The following IL1RAPL1 variants were observed in gnomAD, a reference collection of about 807,000 sequenced individuals.
The protein encoded by IL1RAPL1 is interleukin 1 receptor accessory protein like 1.
IL1RAPL1 carries 3 observed loss-of-function variants against 48.4 expected under a neutral mutation model. That is an observed-to-expected ratio of 0.06 (90% confidence interval 0.03 to 0.16). The LOEUF is 0.16. Among genes scored for constraint, IL1RAPL1 ranks in the 10% least tolerant of loss-of-function variants. The pLI is 1.00. For synonymous variants in IL1RAPL1, 185 were observed against 187.7 expected (o/e 0.99, Z 0.12); for missense variants, 349 against 530.6 (o/e 0.66, Z 3.36).
intron 2 of IL1RAPL1, among the ~76,000 whole-genome samples, chrX:29,235,105 T>G (rs1320034095): frequency 8.9e-6 from 1 of 111,868 alleles, no homozygotes. Flanking sequence ...AGTTTGGTTA[T>G]CTGAGTAATG....
intron 1 of IL1RAPL1, among the ~76,000 whole-genome samples, chrX:28,721,556 C>T (rs749655545): frequency 9.0e-6 from 1 of 111,388 alleles, no homozygotes; most frequent in East Asian, 2.8e-4. Context: ...CCTGTGCACT[C>T]TGATGGTAGT....
chrX:29,842,132 T>C (rs1280661497), intron 6 of IL1RAPL1, among the ~76,000 whole-genome samples: 1 of 112,418 alleles, frequency 8.9e-6, no homozygotes, highest in Non-Finnish European at 1.9e-5. Context: ...CCATACTGTC[T>C]GCACAAACAG....
At chrX:28,846,756 G>A (rs759474194) in intron 2 of IL1RAPL1, among the ~76,000 whole-genome samples, 1 of 111,704 alleles carries the variant, frequency 9.0e-6, no homozygotes, top group African/African-American at 3.2e-5. Context: ...GCAATATTTC[G>A]TTTTAAGCAA....
At chrX:29,092,755 G>T (rs1485204854) in intron 2 of IL1RAPL1, among the ~76,000 whole-genome samples, 1 of 112,001 alleles carries the variant, frequency 8.9e-6, no homozygotes, top group African/African-American at 3.2e-5. Flanking sequence ...TTAAGGAAAG[G>T]TTCTTGGTTA....
chrX:29,832,699 G>GTT (rs1930907004), intron 6 of IL1RAPL1, among the ~76,000 whole-genome samples: 6 of 93,092 alleles, frequency 6.4e-5, no homozygotes, highest in East Asian at 8.3e-4. Context: ...CTGTTTTTTT[G>GTT]TTTTTGTTTT....
At chrX:28,888,736 G>C (rs1922703316) in intron 2 of IL1RAPL1, among the ~76,000 whole-genome samples, 1 of 111,029 alleles carries the variant, frequency 9.0e-6, no homozygotes, top group African/African-American at 3.3e-5. Context: ...TGCATAAAAT[G>C]CTTCCTGACA....
chrX:28,973,084 T>C (rs1159308009), intron 2 of IL1RAPL1, among the ~76,000 whole-genome samples: 1 of 112,171 alleles, frequency 8.9e-6, no homozygotes, highest in African/African-American at 3.2e-5. Flanking sequence ...TTTTAACCTA[T>C]TGAGTTTTCC....
intron 2 of IL1RAPL1, among the ~76,000 whole-genome samples, chrX:28,881,695 G>T: frequency 9.0e-6 from 1 of 110,969 alleles, no homozygotes; most frequent in East Asian, 2.8e-4. Flanking sequence ...TATAAAAAAA[G>T]AACAAAAATT....
chrX:29,243,791 G>A (rs759942474), intron 2 of IL1RAPL1, among the ~76,000 whole-genome samples: 1 of 111,477 alleles, frequency 9.0e-6, no homozygotes, highest in Non-Finnish European at 1.9e-5. Context: ...CTCATTTAGG[G>A]ACTGTACTGA....
At chrX:29,006,653 G>A (rs1182907377) in intron 2 of IL1RAPL1, among the ~76,000 whole-genome samples, 111 of 89,594 alleles carry the variant, frequency 1.2e-3, no homozygotes, top group African/African-American at 4.6e-3. Context: ...ATATATGTGT[G>A]TGTGTGTGTG....
intron 2 of IL1RAPL1, among the ~76,000 whole-genome samples, chrX:29,024,965 T>C (rs1427310023): frequency 9.0e-6 from 1 of 111,554 alleles, no homozygotes; most frequent in East Asian, 2.8e-4. Context: ...CTCATTTCTC[T>C]CCTCCCTCTC....
intron 2 of IL1RAPL1, among the ~76,000 whole-genome samples, chrX:29,204,013 T>C (rs1038040977): frequency 9.1e-6 from 1 of 110,176 alleles, no homozygotes; most frequent in Non-Finnish European, 1.9e-5. Flanking sequence ...AATATCCATG[T>C]TGATGCAAAT....
intron 6 of IL1RAPL1, among the ~76,000 whole-genome samples, chrX:29,734,185 A>G (rs1230357909): frequency 8.9e-6 from 1 of 112,994 alleles, no homozygotes; most frequent in Non-Finnish European, 1.9e-5. Context: ...TAGGCACAGG[A>G]AAAAAGAAGA....
chrX:29,905,420 A>G (rs1932589374), intron 6 of IL1RAPL1, among the ~76,000 whole-genome samples: 1 of 111,647 alleles, frequency 9.0e-6, no homozygotes, highest in African/African-American at 3.3e-5. Context: ...TTGGTGTTTT[A>G]GTCATGAAGT....
chrX:29,421,165 C>T (rs1347148015), intron 5 of IL1RAPL1, among the ~76,000 whole-genome samples: 3 of 111,928 alleles, frequency 2.7e-5, no homozygotes, highest in Non-Finnish European at 5.6e-5. Context: ...CAGCTAGAAA[C>T]CAGGTTCTTG....
chrX:29,527,568 G>T (rs1422022580), intron 5 of IL1RAPL1, among the ~76,000 whole-genome samples: 3 of 109,376 alleles, frequency 2.7e-5, no homozygotes, highest in Non-Finnish European at 5.7e-5. Context: ...CTCGTGATCT[G>T]CCCGCCTCAT....
At chrX:29,018,303 TATTA>T (rs1046561859) in intron 2 of IL1RAPL1, among the ~76,000 whole-genome samples, 2 of 112,463 alleles carry the variant, frequency 1.8e-5, no homozygotes, top group African/African-American at 6.5e-5. Flanking sequence ...TGGGTTTACA[TATTA>T]ATTAATCTGT....
chrX:29,181,616 C>CT (rs35139592), intron 2 of IL1RAPL1, among the ~76,000 whole-genome samples: 1 of 111,661 alleles, frequency 9.0e-6, no homozygotes, highest in African/African-American at 3.3e-5. Context: ...ACCACATACT[C>CT]TTTTTTAGAG....
chrX:28,998,977 G>C (rs538988331), intron 2 of IL1RAPL1, among the ~76,000 whole-genome samples: 3 of 111,625 alleles, frequency 2.7e-5, no homozygotes. Context: ...AGGAATTTAG[G>C]CAGGGTGATT....
Sources: allele counts gnomAD v4.1 joint callset (sites outside exome capture counted in the v4.1 genomes callset), GRCh38; gene constraint gnomAD v4.1.1; transcripts MANE v1.5; gene names NCBI Gene and HGNC (gene_info 2026-07-23, HGNC 2026-07-21).